The following IRAK2 variants were observed in gnomAD, a reference collection of about 807,000 sequenced individuals.
IRAK2 encodes the protein interleukin-1 receptor-associated kinase-like 2.
In IRAK2, 57 loss-of-function variants were observed where a neutral mutation model predicts 72.0. The observed-to-expected ratio is 0.79, with a 90% CI of 0.64 to 0.99. The LOEUF (loss-of-function observed/expected upper bound fraction) is 0.99. IRAK2 is among the 50% of genes least tolerant of loss of function. The pLI is 0.00. For missense variants in IRAK2, 790 were observed against 794.4 expected (o/e 0.99, Z 0.07); for synonymous variants, 293 against 312.7 (o/e 0.94, Z 0.67).
chr3:10,197,574 C>A (rs1266777313), intron 2 of IRAK2, among the ~76,000 whole-genome samples: 1 of 152,024 alleles, frequency 6.6e-6, no homozygotes. Flanking sequence ...AAAGGAGGGC[C>A]GGGCATGGTG....
chr3:10,211,771 T>C (rs1466175926), intron 4 of IRAK2, among the ~76,000 whole-genome samples: 1 of 152,028 alleles, frequency 6.6e-6, no homozygotes, highest in Non-Finnish European at 1.5e-5. Flanking sequence ...TAAGAGCATA[T>C]GTAACTTAAA....
At chr3:10,219,486 T>G (rs1279971071) in intron 7 of IRAK2, among the ~76,000 whole-genome samples, 194 bp from the exon 8 acceptor site, 1 of 151,978 alleles carries the variant, frequency 6.6e-6, no homozygotes, top group Non-Finnish European at 1.5e-5. Flanking sequence ...GACCGGCTAA[T>G]TTTTTGTATT....
Position 10,177,971 on chromosome 3 carries a change from C to A in IRAK2, c.228C>A (p.Asp76Glu). ...MRQATVQQLV[D>E]LLCRLELYRA... Reference sequence around the variant, plus strand: ...AGGCCACCGTCCAGCAACTTGTGGACCTCCTGTGCCGCCTGGAGCTCTACC... The same window carrying A: ...AGGCCACCGTCCAGCAACTTGTGGAACTCCTGTGCCGCCTGGAGCTCTACC... The change falls in exon 2 of 13, where the codon GAC (aspartate) becomes GAA (glutamate). Residue 76 changes from aspartate to glutamate, a missense_variant. Transcript: ENST00000256458. 6.2e-7 allele frequency: 1 copy of A among 1,613,596 alleles called. No individual in the cohort carries two copies. Among genetic ancestry groups the A allele is most frequent in the Non-Finnish European group, 8.5e-7 (1 of 1,179,954 alleles).
At position 10,201,107 on chromosome 3, in the gene IRAK2, T is replaced by C. The variant is rs571713904; in HGVS notation, c.424+592T>C. On this transcript the variant is annotated intron_variant, in intron 3 of 12. Transcript: ENST00000256458. ...TTTTTGTGAGCAGAAAAGAAATAGC[T>C]CGGTAATTGGAGGCTTTCTAGTGCC... 1.8e-4 allele frequency among the ~76,000 whole-genome samples: 28 copies of C among 152,252 alleles called. No individual in the cohort carries two copies. The South Asian group carries it at 4.6e-3, about 25-fold the overall frequency.
At chr3:10,182,751 G>A in intron 2 of IRAK2, among the ~76,000 whole-genome samples, 1 of 151,126 alleles carries the variant, frequency 6.6e-6, no homozygotes, top group Non-Finnish European at 1.5e-5. Flanking sequence ...CTCTATAGTA[G>A]TTCAAACAGA....
chr3:10,166,616 T>G (rs1223129036), intron 1 of IRAK2, among the ~76,000 whole-genome samples: 2 of 110,672 alleles, frequency 1.8e-5, no homozygotes. Flanking sequence ...GTGTTAAATA[T>G]TCTTATAAGT....
Position 10,238,798 on chromosome 3 carries a change from G to T in IRAK2, c.1524G>T (p.Thr508=). 6 of 1,614,098 alleles carry T rather than the reference G, an allele frequency of 3.7e-6. No individual in the cohort carries two copies. Among genetic ancestry groups the T allele is most frequent in the Non-Finnish European group, 4.2e-6 (5 of 1,179,984 alleles). The change falls in exon 12 of 13, where the codon ACG becomes ACT. Residue 508 remains threonine (T), a synonymous_variant. Coordinates refer to ENST00000256458, the MANE Select transcript of IRAK2 (RefSeq NM_001570.4). The part of the protein sequence containing the change: ...AVEERLRGRE[T]LLPWSGLSEG... ...AAGAGCGGCTCCGAGGTCGGGAGAC[G>T]TTGCTCCCTTGGAGTGGGCTTTCTG...
At chr3:10,224,291 C>G (rs145295208) in intron 9 of IRAK2, among the ~76,000 whole-genome samples, 2 of 150,100 alleles carry the variant, frequency 1.3e-5, no homozygotes, top group African/African-American at 4.9e-5. Context: ...AAGCCGAGAT[C>G]GCGCCATTGC....
At chr3:10,219,476 G>C in intron 7 of IRAK2, among the ~76,000 whole-genome samples, 1 of 151,944 alleles carries the variant, frequency 6.6e-6, no homozygotes, top group Non-Finnish European at 1.5e-5. Flanking sequence ...CCGCCACCAG[G>C]ACCGGCTAAT....
In IRAK2 at chr3:10,219,796, G is replaced by T; in HGVS notation, c.1013+7G>T. ...TCCACAGCAACGTCAAGAGGTGAGAGAGGTGGGCTGGACCCTGCTGGGGCC... is the reference window on the plus strand; with the variant it reads ...TCCACAGCAACGTCAAGAGGTGAGATAGGTGGGCTGGACCCTGCTGGGGCC... On this transcript the variant is annotated splice_region_variant and intron_variant, in intron 8 of 12. Transcript: ENST00000256458. 6.2e-7 allele frequency: 1 copy of T among 1,601,080 alleles called. No homozygotes were observed.
chr3:10,210,872 GT>G (rs1278570796), intron 4 of IRAK2, among the ~76,000 whole-genome samples: 1 of 151,840 alleles, frequency 6.6e-6, no homozygotes, highest in Non-Finnish European at 1.5e-5. Flanking sequence ...TTGTTTTTGT[GT>G]TTTTTTTGAG....
chr3:10,200,298 C>G, intron 2 of IRAK2, 71 bp from the exon 3 acceptor site: 2 of 1,366,376 alleles, frequency 1.5e-6, no homozygotes, highest in Non-Finnish European at 2.0e-6. Flanking sequence ...TCTCTGACTT[C>G]CAGAACCAGT....
At chr3:10,222,518 T>C in intron 8 of IRAK2, 118 bp from the exon 9 acceptor site, 2 of 794,140 alleles carry the variant, frequency 2.5e-6, no homozygotes, top group South Asian at 1.6e-5. Flanking sequence ...TGAGGGTCTT[T>C]AGAGACCTCA....
At chr3:10,236,863 T>C (rs1392384045) in intron 11 of IRAK2, among the ~76,000 whole-genome samples, 2 of 152,260 alleles carry the variant, frequency 1.3e-5, no homozygotes, top group Non-Finnish European at 1.5e-5. Flanking sequence ...TTCTCTTTAG[T>C]GTAACAGTTT....
At chr3:10,200,108 G>C (rs1272505636) in intron 2 of IRAK2, among the ~76,000 whole-genome samples, 1 of 151,942 alleles carries the variant, frequency 6.6e-6, no homozygotes, top group Admixed American at 6.6e-5. Context: ...GGCTGGTCTC[G>C]AACTCCTGAC....
intron 2 of IRAK2, among the ~76,000 whole-genome samples, chr3:10,182,743 CT>C (rs1559440546): frequency 6.6e-6 from 1 of 150,896 alleles, no homozygotes; most frequent in Non-Finnish European, 1.5e-5. Context: ...TTTGTTATCT[CT>C]ATAGTAGTTC....
At chr3:10,192,381 G>T (rs1144911) in intron 2 of IRAK2, among the ~76,000 whole-genome samples, 3 of 152,014 alleles carry the variant, frequency 2.0e-5, no homozygotes, top group Non-Finnish European at 4.4e-5. Context: ...ATTTGCCACC[G>T]TGTGAAATGT....
chr3:10,194,239 T>TCAAG (rs56953268), intron 2 of IRAK2, among the ~76,000 whole-genome samples: 7,430 of 152,286 alleles, frequency 0.049, 618 homozygotes, highest in African/African-American at 0.17. Flanking sequence ...TGGGTCTGGC[T>TCAAG]CAAGCCAGAG....
chr3:10,212,910 G>A (rs955499845), intron 4 of IRAK2, among the ~76,000 whole-genome samples: 8 of 151,898 alleles, frequency 5.3e-5, no homozygotes, highest in Admixed American at 3.3e-4. Context: ...GACTACAGGC[G>A]CCCGCCACCA....
Sources: allele counts gnomAD v4.1 joint callset (sites outside exome capture counted in the v4.1 genomes callset), GRCh38; gene constraint gnomAD v4.1.1; transcripts MANE v1.5; gene names NCBI Gene and HGNC (gene_info 2026-07-23, HGNC 2026-07-21).